SNX18: variants seen among roughly 807,000 people sequenced by gnomAD.
SNX18 encodes sorting nexin 18.
Under a neutral mutation model 48.7 loss-of-function variants are expected in SNX18, and 35 were observed. The observed-to-expected ratio is 0.72, with a 90% CI of 0.55 to 0.95. The LOEUF is 0.95. Ranked by LOEUF, SNX18 falls within the 40% of genes least tolerant of loss-of-function variation. The pLI is 0.00. For missense variants in SNX18, 824 were observed against 871.0 expected (o/e 0.95, Z 0.68); for synonymous variants, 492 against 384.7 (o/e 1.28, Z -3.26).
the SNX18 span, among the ~76,000 whole-genome samples, chr5:54,634,276 G>T: frequency 6.6e-6 from 1 of 152,118 alleles, no homozygotes; most frequent in Admixed American, 6.5e-5. Context: ...GGTGGAAGAA[G>T]AATTCCAAGG....
At chr5:54,593,437 T>G in the SNX18 span, among the ~76,000 whole-genome samples, 1,489 of 152,310 alleles carry the variant, frequency 9.8e-3, 10 homozygotes, top group Non-Finnish European at 0.016. Context: ...ATTGGAAGAT[T>G]GAAGATTGAA....
the SNX18 span, among the ~76,000 whole-genome samples, chr5:54,559,949 T>G: frequency 1.3e-5 from 2 of 152,008 alleles, no homozygotes; most frequent in African/African-American, 4.8e-5. Context: ...AACAAGCATA[T>G]GAAAAAAAGC....
chr5:54,551,998 G>A, the SNX18 span, among the ~76,000 whole-genome samples: 1 of 152,170 alleles, frequency 6.6e-6, no homozygotes, highest in Non-Finnish European at 1.5e-5. Context: ...AGCCTTCTTA[G>A]GAAGGCAGCT....
chr5:54,579,711 T>C, the SNX18 span, among the ~76,000 whole-genome samples: 1 of 152,154 alleles, frequency 6.6e-6, no homozygotes, highest in Admixed American at 6.5e-5. Flanking sequence ...ACTAGAATTA[T>C]CATAGATTGG....
At chr5:54,549,183 G>A (rs1762616911), downstream of SNX18, among the ~76,000 whole-genome samples, 1 of 152,202 alleles carries the variant, frequency 6.6e-6, no homozygotes, top group South Asian at 2.1e-4. Flanking sequence ...ATGGCAGGTG[G>A]AAAGCCCTGA....
chr5:54,640,513 T>C, the SNX18 span, among the ~76,000 whole-genome samples: 18 of 152,324 alleles, frequency 1.2e-4, no homozygotes, highest in South Asian at 3.7e-3. Flanking sequence ...CATCAGCCAC[T>C]GTGCCCGCCA....
the SNX18 span, among the ~76,000 whole-genome samples, chr5:54,565,619 A>T: frequency 3.2e-4 from 49 of 152,262 alleles, no homozygotes; most frequent in Middle Eastern, 3.4e-3. Flanking sequence ...ACAGGTATTC[A>T]TGATATTGTT....
the SNX18 span, among the ~76,000 whole-genome samples, chr5:54,552,661 G>A: frequency 6.6e-6 from 1 of 151,384 alleles, no homozygotes; most frequent in Non-Finnish European, 1.5e-5. Flanking sequence ...GACCGATAGA[G>A]TCCTTCATTC....
At chr5:54,621,929 T>C in the SNX18 span, among the ~76,000 whole-genome samples, 1 of 152,152 alleles carries the variant, frequency 6.6e-6, no homozygotes, top group Non-Finnish European at 1.5e-5. Flanking sequence ...TTCAATTACT[T>C]GAGATTTTTA....
rs2111613641 is a variant in SNX18 at position 54,543,887 on chromosome 5, C to T, written c.*455C>T. The T allele has an allele frequency of 6.5e-6, 1 of 154,894 alleles. No individual in the cohort carries two copies. The highest frequency in any genetic ancestry group is 6.4e-5 in the Admixed American group (1 of 15,564). 9.6% of individuals were successfully genotyped at this position (154,894 alleles called of 1,614,324 possible). ...AACTCCAACTAGAGCAGCTATGCGA[C>T]CTTGTGCCTTTAGACTCTTGGTTTT... On this transcript the variant is annotated 3_prime_UTR_variant, in exon 2 of 2. Coordinates refer to ENST00000381410, the MANE Select transcript of SNX18 (RefSeq NM_001102575.2).
At chr5:54,629,383 C>T in the SNX18 span, among the ~76,000 whole-genome samples, 1 of 152,242 alleles carries the variant, frequency 6.6e-6, no homozygotes, top group Non-Finnish European at 1.5e-5. Context: ...TTAGCCCCAA[C>T]TTTGAAAGGC....
chr5:54,590,409 T>A, the SNX18 span, among the ~76,000 whole-genome samples: 1 of 152,188 alleles, frequency 6.6e-6, no homozygotes, highest in East Asian at 1.9e-4. Flanking sequence ...TTTAGTGCCA[T>A]TCTTTGTTAA....
the SNX18 span, among the ~76,000 whole-genome samples, chr5:54,562,438 A>C: frequency 1.4e-4 from 22 of 152,376 alleles, no homozygotes; most frequent in African/African-American, 4.8e-4. Context: ...TTTAATGCAC[A>C]GTTATGCACC....
chr5:54,555,501 C>T, the SNX18 span, among the ~76,000 whole-genome samples: 3 of 152,086 alleles, frequency 2.0e-5, no homozygotes, highest in African/African-American at 7.2e-5. Flanking sequence ...CACATCATGG[C>T]ACCTGGCTAA....
chr5:54,597,110 T>G, the SNX18 span, among the ~76,000 whole-genome samples: 3 of 152,146 alleles, frequency 2.0e-5, no homozygotes, highest in Non-Finnish European at 4.4e-5. Flanking sequence ...CAATCCTAGT[T>G]TCTGACAAAA....
chr5:54,554,470 A>C, the SNX18 span, among the ~76,000 whole-genome samples: 5 of 152,162 alleles, frequency 3.3e-5, no homozygotes, highest in African/African-American at 9.7e-5. Context: ...TCGTTCACCA[A>C]CTCAAAGGTT....
downstream of SNX18, among the ~76,000 whole-genome samples, chr5:54,550,961 T>A (rs1005513414): frequency 6.6e-6 from 1 of 151,496 alleles, no homozygotes; most frequent in Non-Finnish European, 1.5e-5. Context: ...GGAATGGGAA[T>A]GGGGGGCAGG....
At chr5:54,641,801 A>G in the SNX18 span, among the ~76,000 whole-genome samples, 1 of 152,156 alleles carries the variant, frequency 6.6e-6, no homozygotes, top group Non-Finnish European at 1.5e-5. Context: ...GTGTGTATGT[A>G]TGCGTGTGCG....
At chr5:54,589,686 G>A in the SNX18 span, among the ~76,000 whole-genome samples, 1 of 152,184 alleles carries the variant, frequency 6.6e-6, no homozygotes, top group Non-Finnish European at 1.5e-5. Context: ...TCCCAAAGCT[G>A]ACCTTTGAAA....
Sources: allele counts gnomAD v4.1 joint callset (sites outside exome capture counted in the v4.1 genomes callset), GRCh38; gene constraint gnomAD v4.1.1; transcripts MANE v1.5; gene names NCBI Gene and HGNC (gene_info 2026-07-23, HGNC 2026-07-21).